The following EPS8L1 variants were observed in gnomAD, a reference collection of about 807,000 sequenced individuals.
The protein encoded by EPS8L1 is EPS8 signaling adaptor L1, also known as epidermal growth factor receptor kinase substrate 8-like protein 1.
EPS8L1 carries 101 observed loss-of-function variants against 91.7 expected under a neutral mutation model. The ratio of observed to expected loss-of-function variants is 1.10; its 90% CI spans 0.94 to 1.30. The LOEUF (loss-of-function observed/expected upper bound fraction) is 1.30, where lower values mean the gene tolerates loss of function less well. Ranked by LOEUF, EPS8L1 falls within the 50% of genes most tolerant of loss-of-function variation. The pLI, the probability that EPS8L1 is intolerant of heterozygous loss-of-function variation, is 0.00. For missense variants in EPS8L1, 1,114 were observed against 1,017.0 expected (o/e 1.10, Z -1.30); for synonymous variants, 506 against 445.3 (o/e 1.14, Z -1.72).
Position 55,082,469 on chromosome 19 carries a change from G to T in EPS8L1, c.1081G>T (p.Gly361Trp), listed in dbSNP as rs144463157. The change falls in exon 12 of 20, where the codon GGG becomes TGG. Residue 361 changes from glycine to tryptophan, a missense_variant. Gly to Trp is a radical substitution (Grantham distance 184, BLOSUM62 -2). Coordinates refer to ENST00000201647, the MANE Select transcript of EPS8L1 (RefSeq NM_133180.3). The part of the protein sequence containing the change: ...GPLQMIVNTS[G>W]GPEFASSVRR... ...CCCCTGACAGATTGTGAACACGTCGGGGGGGCCGGAGTTCGCGAGCAGTGT... is the reference window on the plus strand; with the variant it reads ...CCCCTGACAGATTGTGAACACGTCGTGGGGGCCGGAGTTCGCGAGCAGTGT... The T allele has an allele frequency of 4.5e-5, 72 of 1,612,434 alleles. No individual in the cohort carries two copies. The highest frequency in any genetic ancestry group is 3.8e-4 in the East Asian group (17 of 44,868).
intron 2 of EPS8L1, among the ~76,000 whole-genome samples, chr19:55,076,942 G>A (rs1240401930): frequency 1.3e-5 from 2 of 152,186 alleles, no homozygotes; most frequent in African/African-American, 4.8e-5. Context: ...AGTAAGCAGG[G>A]AGAAAAACAA....
Position 55,081,109 on chromosome 19 carries a change from C to T in EPS8L1, c.513-122C>T. Reference sequence around the variant, plus strand: ...CCGTATATCGGATTTCTCCCTACCTCGTTGAACTTGTTCACTCCCTTTGAG... The same window carrying T: ...CCGTATATCGGATTTCTCCCTACCTTGTTGAACTTGTTCACTCCCTTTGAG... On this transcript the variant is annotated intron_variant, in intron 7 of 19. Transcript: ENST00000201647. This position sits in a 1 kb window ranked among gnomAD's most constrained non-coding sequence, Gnocchi z 4.9. The T allele has an allele frequency of 8.0e-7, 1 of 1,243,456 alleles. No homozygotes were observed. Among genetic ancestry groups the T allele is most frequent in the Non-Finnish European group, 1.1e-6 (1 of 927,100 alleles). 77.0% of individuals were successfully genotyped at this position (1,243,456 alleles called of 1,614,324 possible).
At position 55,086,454 on chromosome 19, in the gene EPS8L1, C is replaced by G; in HGVS notation, c.1713C>G (p.Pro571=). Residue 571 remains proline (P), a synonymous_variant, in exon 17 of 20, where the codon CCC becomes CCG. Coordinates refer to ENST00000201647, the MANE Select transcript of EPS8L1 (RefSeq NM_133180.3). ...CCCCACCTCCAGCTCTGGCTCGGCC[C>G]CGCTGGGACAGGCCCCGCTGGGACA... ...APAPPPALAR[P]RWDRPRWDSC... The G allele has an allele frequency of 6.4e-7, 1 of 1,552,742 alleles. No individual in the cohort carries two copies. The highest frequency in any genetic ancestry group is 1.4e-5 in the African/African-American group (1 of 73,314).
Position 55,083,172 on chromosome 19 carries a change from A to G in EPS8L1, c.1215-206A>G, listed in dbSNP as rs1022827530. ...TGGCCTCCCAAAATGCTGGGATTAC[A>G]GGCGTGAGCCACCGTGCCCGGTCTA... On this transcript the variant is annotated intron_variant, in intron 12 of 19. Transcript: ENST00000201647. This position sits in a 1 kb window ranked among gnomAD's most constrained non-coding sequence, Gnocchi z 4.7. Among the ~76,000 whole-genome samples, 4 of 152,228 alleles carry G rather than the reference A, an allele frequency of 2.6e-5. No individual in the cohort carries two copies. Among genetic ancestry groups the G allele is most frequent in the Non-Finnish European group, 5.9e-5 (4 of 68,042 alleles).
intron 12 of EPS8L1, among the ~76,000 whole-genome samples, chr19:55,082,946 A>G (rs909585885): frequency 2.6e-5 from 4 of 152,174 alleles, no homozygotes; most frequent in Admixed American, 6.5e-5. Context: ...GTGATGGGAC[A>G]GAGTCTGTGC....
In EPS8L1 at chr19:55,087,173, G is replaced by A. The variant is rs956050079; in HGVS notation, c.1953-130G>A. Reference sequence around the variant, plus strand: ...GTGATTGGTGGGTGGGGTTCAGGAGGTGTCGGGCCTGCCCCCGCTAGAGCT... The same window carrying A: ...GTGATTGGTGGGTGGGGTTCAGGAGATGTCGGGCCTGCCCCCGCTAGAGCT... On this transcript the variant is annotated intron_variant, in intron 18 of 19. Transcript: ENST00000201647. 7.4e-6 allele frequency: 10 copies of A among 1,359,996 alleles called. No individual in the cohort carries two copies. In the African/African-American group the frequency reaches 1.5e-4, roughly 20 times the overall value. 84.2% of individuals were successfully genotyped at this position (1,359,996 alleles called of 1,614,324 possible). A position where few individuals can be genotyped will look rare whatever the true frequency, so the allele number is the denominator to read the frequency against.
rs983002899 is a variant in EPS8L1 at position 55,076,532 on chromosome 19, C to CCGCTTG, written c.17+74_17+79dup. The CCGCTTG allele has an allele frequency of 7.7e-6, 12 of 1,550,048 alleles. No homozygotes were observed. In the Admixed American group the frequency reaches 1.4e-4, roughly 18 times the overall value. ...CCTCCCCTCGCCTCCTCACCCACAC[C>CCGCTTG]CGCTTGCGGCAGCCCAGACTGTTTG... On this transcript the variant is annotated intron_variant, in intron 2 of 19. Coordinates refer to ENST00000201647, the MANE Select transcript of EPS8L1 (RefSeq NM_133180.3).
At position 55,086,454 on chromosome 19, in the gene EPS8L1, C is replaced by T. The variant is rs1308856171; in HGVS notation, c.1713C>T (p.Pro571=). Residue 571 remains proline, a synonymous_variant, in exon 17 of 20, where the codon CCC becomes CCT. Coordinates refer to ENST00000201647, the MANE Select transcript of EPS8L1 (RefSeq NM_133180.3). ...CCCCACCTCCAGCTCTGGCTCGGCC[C>T]CGCTGGGACAGGCCCCGCTGGGACA... is the stretch of plus-strand genomic sequence containing the variant. ...APAPPPALAR[P]RWDRPRWDSC... is the part of the protein sequence containing the mutation. 4 of 1,552,622 alleles carry T rather than the reference C, an allele frequency of 2.6e-6. No homozygotes were observed. The highest frequency in any genetic ancestry group is 2.7e-5 in the African/African-American group (2 of 73,192).
At position 55,081,223 on chromosome 19, in the gene EPS8L1, CT is replaced by C; in HGVS notation, c.513-7del. 1 of 1,500,518 alleles carries C rather than the reference CT, an allele frequency of 6.7e-7. No homozygotes were observed. Among genetic ancestry groups the C allele is most frequent in the South Asian group, 1.3e-5 (1 of 75,100 alleles). 93.0% of individuals were successfully genotyped at this position (1,500,518 alleles called of 1,614,324 possible). The stretch of plus-strand genomic sequence containing the variant: ...ACCCAGTCTTGGTGTCCCCGTCGCC[CT>C]CCGCAGGGCCACGCAGGAGGAGTTG... On this transcript the variant is annotated splice_polypyrimidine_tract_variant and splice_region_variant and intron_variant, in intron 7 of 19. Coordinates refer to ENST00000201647, the MANE Select transcript of EPS8L1 (RefSeq NM_133180.3). The surrounding 1 kb of genome is among the most constrained non-coding windows in gnomAD (Gnocchi z 4.9).
Position 55,083,204 on chromosome 19 carries a change from T to C in EPS8L1, c.1215-174T>C, listed in dbSNP as rs531661919. 6.6e-6 allele frequency among the ~76,000 whole-genome samples: 1 copy of C among 152,272 alleles called. No individual in the cohort carries two copies. Among genetic ancestry groups the C allele is most frequent in the South Asian group, 2.1e-4 (1 of 4,824 alleles). ...AGCCACCGTGCCCGGTCTAGAAATA[T>C]AAATTGCTGTTGAGTTGGGCTTAGA... On this transcript the variant is annotated intron_variant, in intron 12 of 19. Coordinates refer to ENST00000201647, the MANE Select transcript of EPS8L1 (RefSeq NM_133180.3). The surrounding 1 kb of genome is among the most constrained non-coding windows in gnomAD (Gnocchi z 4.7).
At position 55,078,346 on chromosome 19, in the gene EPS8L1, A is replaced by G. The variant is rs1654473; in HGVS notation, c.58+218A>G. 2.7e-3 allele frequency among the ~76,000 whole-genome samples: 160 copies of G among 59,088 alleles called. 1 individual carries two copies. Among genetic ancestry groups the G allele is most frequent in the Admixed American group, 3.5e-3 (20 of 5,684 alleles). The allele number at this position is 59,088 out of a possible 152,430, so 38.8% of individuals were successfully genotyped here. The stretch of plus-strand genomic sequence containing the variant: ...GAGGGGCTGGGGGCCTGGACTCCTG[A>G]GTCAGAGGGAAGAGGTGCTGGGGGC... On this transcript the variant is annotated intron_variant, in intron 3 of 19. Coordinates refer to ENST00000201647, the MANE Select transcript of EPS8L1 (RefSeq NM_133180.3).
Position 55,082,118 on chromosome 19 carries a change from C to G in EPS8L1, c.928C>G (p.Pro310Ala). 4 of 1,600,932 alleles carry G rather than the reference C, an allele frequency of 2.5e-6. No individual in the cohort carries two copies. In the Admixed American group the frequency reaches 5.2e-5, roughly 21 times the overall value. ...GGGCTTGCTGACGCTGCGGGCCAAG[C>G]CGCCCTCGGAGGCCGAGTACACCGA... ...GEGLLTLRAKPPSEAEYTDVL... is the reference protein window; with the variant it reads ...GEGLLTLRAKAPSEAEYTDVL... Residue 310 changes from proline to alanine, a missense_variant, in exon 10 of 20, where the codon CCG becomes GCG. Coordinates refer to ENST00000201647, the MANE Select transcript of EPS8L1 (RefSeq NM_133180.3).
In EPS8L1 at chr19:55,083,759, C is replaced by A; in HGVS notation, c.1385+115C>A. 8.9e-7 allele frequency: 1 copy of A among 1,124,558 alleles called. No individual in the cohort carries two copies. The highest frequency in any genetic ancestry group is 1.2e-6 in the Non-Finnish European group (1 of 834,164). 69.7% of individuals were successfully genotyped at this position (1,124,558 alleles called of 1,614,324 possible). ...TGTTTTTCCTTCTGTCTTCCTGGCT[C>A]TTCTCAGGTGGGTGAGATGGTGATG... is the stretch of plus-strand genomic sequence containing the variant. On this transcript the variant is annotated intron_variant, in intron 14 of 19. Transcript: ENST00000201647. The surrounding 1 kb of genome is among the most constrained non-coding windows in gnomAD (Gnocchi z 4.7).
In EPS8L1 at chr19:55,087,604, A is replaced by T. The variant is rs776388630; in HGVS notation, c.2162A>T (p.Glu721Val). The change falls in exon 20 of 20, where the codon GAG becomes GTG. Residue 721 changes from glutamate to valine, a missense_variant. Coordinates refer to ENST00000201647, the MANE Select transcript of EPS8L1 (RefSeq NM_133180.3). ...KKKVEGEVEM[E>V]VI Reference sequence around the variant, plus strand: ...AAGGTGGAAGGCGAGGTGGAAATGGAGGTCATTTGACCTGCCAGGCGCCCT... The same window carrying T: ...AAGGTGGAAGGCGAGGTGGAAATGGTGGTCATTTGACCTGCCAGGCGCCCT... The T allele has an allele frequency of 6.2e-7, 1 of 1,614,008 alleles. No homozygotes were observed. Among genetic ancestry groups the T allele is most frequent in the African/African-American group, 1.3e-5 (1 of 74,908 alleles).
At chr19:55,076,246 G>A in intron 1 of EPS8L1, 162 bp from the exon 2 acceptor site, 1 of 599,210 alleles carries the variant, frequency 1.7e-6, no homozygotes, top group East Asian at 3.0e-5. Flanking sequence ...AGAGGGACTG[G>A]GGCCTGGACT....
chr19:55,083,397 G>A lies in EPS8L1; in HGVS notation c.1234G>A (p.Glu412Lys). 1 of 1,613,106 alleles carries A rather than the reference G, an allele frequency of 6.2e-7. No individual in the cohort carries two copies. The highest frequency in any genetic ancestry group is 1.1e-5 in the South Asian group (1 of 91,084). ...CCGCAGGCTGGAGCTGTCCCCGGAG[G>A]AGGGACCCCCATACAGACCCGAGTT... ...TRPGLELSPE[E>K]GPPYRPEFFS... is the part of the protein sequence containing the mutation. The change falls in exon 13 of 20, where the codon GAG (glutamate) becomes AAG (lysine). Residue 412 changes from glutamate to lysine, a missense_variant. Glu to Lys is a moderately conservative substitution (Grantham distance 56). Coordinates refer to ENST00000201647, the MANE Select transcript of EPS8L1 (RefSeq NM_133180.3). This position sits in a 1 kb window ranked among gnomAD's most constrained non-coding sequence, Gnocchi z 4.7.
chr19:55,078,371 C>G (rs1671165), intron 3 of EPS8L1, among the ~76,000 whole-genome samples: 13 of 25,862 alleles, frequency 5.0e-4, no homozygotes, highest in Admixed American at 1.2e-3. Context: ...GTGCTGGGGG[C>G]CTGGACTCCT....
Position 55,083,346 on chromosome 19 carries a change from C to T in EPS8L1, c.1215-32C>T. ...ACGAAGTTGGGGGCTGTATCAGGAT[C>T]CCTGAGCTCTTGGCCCTGTCCCTGG... On this transcript the variant is annotated intron_variant, in intron 12 of 19. Transcript: ENST00000201647. This position sits in a 1 kb window ranked among gnomAD's most constrained non-coding sequence, Gnocchi z 4.7. 5 of 1,603,604 alleles carry T rather than the reference C, an allele frequency of 3.1e-6. No individual in the cohort carries two copies. The highest frequency in any genetic ancestry group is 4.3e-6 in the Non-Finnish European group (5 of 1,173,494).
intron 4 of EPS8L1, 76 bp from the exon 5 acceptor site, chr19:55,079,614 T>C (rs1462919243): frequency 4.6e-6 from 7 of 1,519,028 alleles, no homozygotes; most frequent in Non-Finnish European, 5.3e-6. Flanking sequence ...AGGCTGAAAG[T>C]CTGATTATTC....
Sources: gnomAD v4.1 joint callset for allele counts (sites outside exome capture counted in the v4.1 genomes callset) on GRCh38, gnomAD v4.1.1 for gene constraint, Gnocchi (gnomAD v3.1) non-coding constraint, MANE v1.5 for transcripts, NCBI Gene and HGNC (gene_info 2026-07-23, HGNC 2026-07-21) for gene names.